Variants in LDAH observed in about 807,000 individuals in gnomAD.
LDAH encodes lipid droplet associated hydrolase.
LDAH carries 26 observed loss-of-function variants against 29.6 expected under a neutral mutation model. That is an observed-to-expected ratio of 0.88 (90% CI 0.64 to 1.22). The LOEUF (loss-of-function observed/expected upper bound fraction) is 1.22, where lower values mean the gene tolerates loss of function less well. Among genes scored for constraint, LDAH ranks in the 50% most tolerant of loss-of-function variants. The pLI is 0.00. For synonymous variants in LDAH, 117 were observed against 133.0 expected (o/e 0.88, Z 0.83); for missense variants, 344 against 387.3 (o/e 0.89, Z 0.94).
At chr2:20,702,090 T>C (rs1332713866) in intron 5 of LDAH, among the ~76,000 whole-genome samples, 1 of 152,062 alleles carries the variant, frequency 6.6e-6, no homozygotes, top group South Asian at 2.1e-4. Flanking sequence ...ACTAAAAGGA[T>C]TATTTATCTT....
chr2:20,716,732 A>ATATATATATATATATATATATATATG (rs1665231798), intron 5 of LDAH, among the ~76,000 whole-genome samples: 1 of 147,182 alleles, frequency 6.8e-6, no homozygotes, highest in Non-Finnish European at 1.5e-5. Context: ...ATATATACAT[A>ATATATATATATATATATATATATATG]TATATATATA....
rs531863048 is a variant in LDAH at position 20,692,204 on chromosome 2, G to A, written c.787-5110C>T. 1.1e-4 allele frequency among the ~76,000 whole-genome samples: 16 copies of A among 152,304 alleles called. No individual in the cohort carries two copies. In the East Asian group the frequency reaches 3.1e-3, roughly 29 times the overall value. On this transcript the variant is annotated intron_variant, in intron 6 of 6. Coordinates refer to ENST00000237822, the MANE Select transcript of LDAH (RefSeq NM_021925.4). The stretch of plus-strand genomic sequence containing the variant: ...AGCTCACAGACTAGGCGAGAGAACA[G>A]ACCTATATAAACTGGCTCTTAAATA...
intron 4 of LDAH, among the ~76,000 whole-genome samples, chr2:20,765,771 G>A (rs1668990187): frequency 6.6e-6 from 1 of 152,178 alleles, no homozygotes; most frequent in African/African-American, 2.4e-5. Flanking sequence ...TCTCAGGGCA[G>A]TCGGCTTTCT....
intron 5 of LDAH, among the ~76,000 whole-genome samples, chr2:20,733,311 G>C (rs920720404): frequency 6.6e-6 from 1 of 151,556 alleles, no homozygotes; most frequent in Admixed American, 6.6e-5. Flanking sequence ...GCTTACCGCA[G>C]CCTTGGCCTC....
intron 6 of LDAH, among the ~76,000 whole-genome samples, chr2:20,697,950 C>G (rs929209457): frequency 2.0e-5 from 3 of 152,086 alleles, no homozygotes; most frequent in African/African-American, 7.2e-5. Flanking sequence ...AAACATTATA[C>G]TTATCATTAC....
At chr2:20,683,512 G>A (rs1662369855), downstream of LDAH, among the ~76,000 whole-genome samples, 3 of 152,238 alleles carry the variant, frequency 2.0e-5, no homozygotes, top group African/African-American at 7.2e-5. Flanking sequence ...AGCCATCTAA[G>A]AAATGCTTTG....
chr2:20,701,374 A>C (rs528093727), intron 6 of LDAH, among the ~76,000 whole-genome samples, 196 bp downstream of exon 6: 1 of 152,346 alleles, frequency 6.6e-6, no homozygotes, highest in African/African-American at 2.4e-5. Flanking sequence ...TGATAAAAAA[A>C]TAAGTTATTA....
chr2:20,816,975 A>G (rs1456115087), intron 1 of LDAH, among the ~76,000 whole-genome samples: 1 of 152,094 alleles, frequency 6.6e-6, no homozygotes, highest in Admixed American at 6.5e-5. Flanking sequence ...TTCATGGGTC[A>G]AGCAAATTTC....
At chr2:20,700,155 T>C (rs565686817) in intron 6 of LDAH, among the ~76,000 whole-genome samples, 2 of 152,312 alleles carry the variant, frequency 1.3e-5, no homozygotes, top group South Asian at 4.1e-4. Flanking sequence ...TAAAATACTG[T>C]TTTTCTTGTA....
intron 4 of LDAH, among the ~76,000 whole-genome samples, chr2:20,765,206 G>A (rs1313954936): frequency 1.3e-5 from 2 of 152,086 alleles, no homozygotes; most frequent in Admixed American, 6.5e-5. Context: ...TTTCATTTTC[G>A]ACATCTCTCT....
intron 5 of LDAH, among the ~76,000 whole-genome samples, chr2:20,714,422 G>C (rs994680432): frequency 6.6e-6 from 1 of 152,184 alleles, no homozygotes; most frequent in Non-Finnish European, 1.5e-5. Flanking sequence ...ACCCACACAG[G>C]AAAGCAGGAA....
intron 1 of LDAH, among the ~76,000 whole-genome samples, chr2:20,817,354 C>G (rs1558507516): frequency 6.6e-6 from 1 of 151,904 alleles, no homozygotes; most frequent in Non-Finnish European, 1.5e-5. Context: ...AGGGTTATCA[C>G]TAAAAACCAT....
At chr2:20,777,047 T>G (rs1669869173) in intron 3 of LDAH, among the ~76,000 whole-genome samples, 2 of 152,232 alleles carry the variant, frequency 1.3e-5, no homozygotes, top group East Asian at 3.8e-4. Context: ...CAATGGCTGT[T>G]GTTTAAGTGT....
intron 4 of LDAH, among the ~76,000 whole-genome samples, chr2:20,762,044 T>C (rs938526640): frequency 6.6e-6 from 1 of 152,074 alleles, no homozygotes; most frequent in East Asian, 1.9e-4. Flanking sequence ...TTTTATACAG[T>C]TGTATTCACA....
chr2:20,714,387 T>C (rs1056892395), intron 5 of LDAH, among the ~76,000 whole-genome samples: 3 of 152,178 alleles, frequency 2.0e-5, no homozygotes, highest in Admixed American at 6.5e-5. Context: ...AAGCAGTGTG[T>C]AGAGGGAAAT....
intron 3 of LDAH, among the ~76,000 whole-genome samples, chr2:20,788,583 G>A (rs1670720186): frequency 6.6e-6 from 1 of 152,144 alleles, no homozygotes; most frequent in Admixed American, 6.5e-5. Context: ...TAACTTTATT[G>A]TAAAATATCT....
chr2:20,800,598 A>G (rs1671590516), intron 2 of LDAH, among the ~76,000 whole-genome samples: 1 of 152,072 alleles, frequency 6.6e-6, no homozygotes. Flanking sequence ...ATATCAGAAT[A>G]TTCTAATTTT....
intron 4 of LDAH, 33 bp from the exon 5 acceptor site, chr2:20,740,238 T>C (rs1667083356): frequency 2.1e-6 from 3 of 1,440,000 alleles, no homozygotes; most frequent in South Asian, 1.1e-5. Context: ...GATGAGAGGT[T>C]TTCTTAAAGG....
At chr2:20,812,820 G>A (rs145514432) in intron 1 of LDAH, among the ~76,000 whole-genome samples, 2 of 152,262 alleles carry the variant, frequency 1.3e-5, no homozygotes, top group Admixed American at 6.5e-5. Context: ...GCAACAGTAA[G>A]AACTAATAAC....
Sources: allele counts gnomAD v4.1 joint callset (sites outside exome capture counted in the v4.1 genomes callset), GRCh38; gene constraint gnomAD v4.1.1; transcripts MANE v1.5; gene names NCBI Gene and HGNC (gene_info 2026-07-23, HGNC 2026-07-21).